Variants in KPRP observed in about 807,000 individuals in gnomAD.
KPRP encodes the protein keratinocyte proline rich protein.
For missense variants in KPRP, 820 were observed against 746.4 expected (o/e 1.10, Z -1.15); for synonymous variants, 282 against 276.9 (o/e 1.02, Z -0.18).
At chr1:152,760,203 C>T (rs760991690) in exon 1 of KPRP, 5 of 1,614,090 alleles carry the variant, frequency 3.1e-6, no homozygotes, top group African/African-American at 2.7e-5. Flanking sequence ...ACAACTACAC[C>T]CCCCAGTTCC....
chr1:152,761,435 G>C, exon 1 of KPRP: 1 of 1,466,648 alleles, frequency 6.8e-7, no homozygotes, highest in South Asian at 1.5e-5. Context: ...GATATTCAGA[G>C]ACTCCCTATT....
At chr1:152,760,951 T>C in exon 1 of KPRP, 5 of 1,612,540 alleles carry the variant, frequency 3.1e-6, no homozygotes, top group Non-Finnish European at 4.2e-6. Context: ...CCCAGGGCAG[T>C]GTGAGATTCC....
exon 1 of KPRP, chr1:152,759,766 T>G: frequency 1.9e-6 from 3 of 1,614,132 alleles, no homozygotes; most frequent in Non-Finnish European, 2.5e-6. Context: ...TTGCCAGGTG[T>G]CAGACCAGGC....
chr1:152,758,059 G>T (rs1455414684), upstream of KPRP, among the ~76,000 whole-genome samples: 1 of 152,220 alleles, frequency 6.6e-6, no homozygotes, highest in Non-Finnish European at 1.5e-5. Flanking sequence ...CTGTGAGGAG[G>T]GTGAGTCTAG....
chr1:152,760,422 C>T, exon 1 of KPRP: 3 of 1,614,048 alleles, frequency 1.9e-6, no homozygotes, highest in Non-Finnish European at 2.5e-6. Flanking sequence ...TTGAGCCCTG[C>T]TCCAGCAGCT....
upstream of KPRP, among the ~76,000 whole-genome samples, chr1:152,758,703 A>T (rs1247277902): frequency 6.6e-6 from 1 of 152,160 alleles, no homozygotes; most frequent in African/African-American, 2.4e-5. Context: ...CCGTCTTCTG[A>T]TTAAGAACCT....
exon 1 of KPRP, chr1:152,761,036 C>A (rs1284474756): frequency 6.2e-7 from 1 of 1,613,340 alleles, no homozygotes; most frequent in Non-Finnish European, 8.5e-7. Context: ...CCCCTGCCGG[C>A]GCCCTGCCCA....
At chr1:152,758,450 C>T (rs1396979778), upstream of KPRP, among the ~76,000 whole-genome samples, 2 of 152,146 alleles carry the variant, frequency 1.3e-5, no homozygotes, top group East Asian at 1.9e-4. Context: ...GGTTTGAACC[C>T]TCATCAGGAG....
At chr1:152,760,847 C>G (rs779553667) in exon 1 of KPRP, 36 of 1,614,026 alleles carry the variant, frequency 2.2e-5, no homozygotes, top group Non-Finnish European at 2.9e-5. Context: ...GAACCACGCC[C>G]GCGTCCTCTA....
At chr1:152,762,051 C>G (rs1428426885) in exon 1 of KPRP, 2 of 167,078 alleles carry the variant, frequency 1.2e-5, no homozygotes, top group Non-Finnish European at 2.9e-5. Flanking sequence ...ATTATGTACT[C>G]ACTGCCTGAG....
chr1:152,760,314 C>T, exon 1 of KPRP: 2 of 1,614,196 alleles, frequency 1.2e-6, no homozygotes, highest in Non-Finnish European at 8.5e-7. Context: ...CCTATGGGAG[C>T]TTCACTGAAC....
upstream of KPRP, among the ~76,000 whole-genome samples, chr1:152,758,182 T>C (rs1200466831): frequency 6.6e-6 from 1 of 152,116 alleles, no homozygotes; most frequent in Non-Finnish European, 1.5e-5. Flanking sequence ...AGGGGTGCAT[T>C]AACCTGAGGA....
chr1:152,759,834 G>A (rs1651048237), exon 1 of KPRP: 1 of 1,614,026 alleles, frequency 6.2e-7, no homozygotes, highest in Admixed American at 1.7e-5. Context: ...AGCAGGTGAA[G>A]GGCCAGGCTC....
exon 1 of KPRP, chr1:152,760,443 A>G: frequency 1.2e-6 from 2 of 1,613,446 alleles, no homozygotes. Context: ...ACCTGCCACT[A>G]AGACCCTCTG....
At chr1:152,761,096 G>A in exon 1 of KPRP, 1 of 1,614,090 alleles carries the variant, frequency 6.2e-7, no homozygotes, top group Non-Finnish European at 8.5e-7. Flanking sequence ...CCATGCTGGG[G>A]CCCAAATCCA....
At chr1:152,759,716 T>C in exon 1 of KPRP, 3 of 1,614,174 alleles carry the variant, frequency 1.9e-6, no homozygotes, top group East Asian at 2.2e-5. Context: ...CCTTGTGAGA[T>C]GCAAATTGTG....
upstream of KPRP, chr1:152,759,548 T>C (rs1304019111): frequency 6.3e-7 from 1 of 1,587,998 alleles, no homozygotes; most frequent in Non-Finnish European, 8.6e-7. Flanking sequence ...GACCCTGGTC[T>C]CTTTGCCCTC....
exon 1 of KPRP, chr1:152,760,989 TGAGCACCCA>T (rs776383786): frequency 2.5e-6 from 4 of 1,612,164 alleles, no homozygotes; most frequent in Non-Finnish European, 3.4e-6. Context: ...TGCAGCCCTG[TGAGCACCCA>T]GAGCCTTGTC....
chr1:152,760,341 C>T, exon 1 of KPRP: 2 of 1,614,216 alleles, frequency 1.2e-6, no homozygotes, highest in Non-Finnish European at 1.7e-6. Flanking sequence ...GCTCTCGGAG[C>T]ACCAGCAGAT....
Sources: allele counts gnomAD v4.1 joint callset (sites outside exome capture counted in the v4.1 genomes callset), GRCh38; gene constraint gnomAD v4.1.1; transcripts MANE v1.5; gene names NCBI Gene and HGNC (gene_info 2026-07-23, HGNC 2026-07-21).